IFT80: variants seen among roughly 807,000 people sequenced by gnomAD.
IFT80 encodes intraflagellar transport protein 80 homolog.
In IFT80, 79 loss-of-function variants were observed where a neutral mutation model predicts 107.9. That is an observed-to-expected ratio of 0.73 (90% confidence interval 0.61 to 0.88). The LOEUF (loss-of-function observed/expected upper bound fraction) is 0.88. IFT80 is among the 40% of genes least tolerant of loss of function. The pLI is 0.00. For missense variants in IFT80, 797 were observed against 914.2 expected (o/e 0.87, Z 1.65); for synonymous variants, 299 against 300.9 (o/e 0.99, Z 0.07).
In IFT80 at chr3:160,387,361, G is replaced by A. The variant is rs988002864; in HGVS notation, c.-46-2715C>T. 5.9e-5 allele frequency among the ~76,000 whole-genome samples: 9 copies of A among 152,040 alleles called. No homozygotes were observed. The South Asian group carries it at 6.2e-4, about 10-fold the overall frequency. On this transcript the variant is annotated intron_variant, in intron 1 of 19. Transcript: ENST00000326448. The stretch of plus-strand genomic sequence containing the variant: ...TCTATTAAAAATACAAAAATTAGCC[G>A]GGTGTGGTGGCGCATGCCTGTAATC...
chr3:160,303,136 G>A (rs1009590517), intron 11 of IFT80, among the ~76,000 whole-genome samples: 1 of 152,116 alleles, frequency 6.6e-6, no homozygotes, highest in South Asian at 2.1e-4. Context: ...TGAGGAATGA[G>A]GAATAAAGCA....
At chr3:160,260,878 C>T (rs1192459012) in intron 19 of IFT80, among the ~76,000 whole-genome samples, 1 of 152,196 alleles carries the variant, frequency 6.6e-6, no homozygotes, top group Admixed American at 6.5e-5. Flanking sequence ...AGCTGAAGAT[C>T]AGCTTCCTAC....
chr3:160,353,426 T>C (rs1369793991), intron 8 of IFT80, among the ~76,000 whole-genome samples: 2 of 152,214 alleles, frequency 1.3e-5, no homozygotes, highest in African/African-American at 4.8e-5. Context: ...GAATTAGATT[T>C]TAAAAGACTG....
Position 160,258,575 on chromosome 3 carries a change from C to T in IFT80, c.2284G>A (p.Glu762Lys). Residue 762 changes from glutamate (E) to lysine (K), a missense_variant, in exon 20 of 20, where the codon GAG becomes AAG. Glu to Lys is a moderately conservative substitution (Grantham distance 56). Coordinates refer to ENST00000326448, the MANE Select transcript of IFT80 (RefSeq NM_020800.3). ...KIEMEITKER[E>K]QSSSSQSSKS... ...CTGGATTGGCTGCTTGATGATTGCT[C>T]TCTTTCTTTTGTAATTTCCATCTCA... 2 of 1,613,548 alleles carry T rather than the reference C, an allele frequency of 1.2e-6. No individual in the cohort carries two copies. The highest frequency in any genetic ancestry group is 1.7e-6 in the Non-Finnish European group (2 of 1,179,958).
Position 160,386,569 on chromosome 3 carries a change from T to C in IFT80, c.-46-1923A>G, listed in dbSNP as rs190785543. 9.3e-3 allele frequency among the ~76,000 whole-genome samples: 1,409 copies of C among 152,294 alleles called. 13 individuals are homozygous for C. Among genetic ancestry groups the C allele is most frequent in the Middle Eastern group, 0.034 (10 of 294 alleles). On this transcript the variant is annotated intron_variant, in intron 1 of 19. Coordinates refer to ENST00000326448, the MANE Select transcript of IFT80 (RefSeq NM_020800.3). Reference sequence around the variant, plus strand: ...GTTTTTGGTCCAGTGTGGGTCAACATTTATGAGGCTTGAGAGGAAAAAATG... The same window carrying C: ...GTTTTTGGTCCAGTGTGGGTCAACACTTATGAGGCTTGAGAGGAAAAAATG...
At chr3:160,333,467 G>A (rs1270215130) in intron 8 of IFT80, among the ~76,000 whole-genome samples, 1 of 151,482 alleles carries the variant, frequency 6.6e-6, no homozygotes, top group African/African-American at 2.4e-5. Context: ...AAAACACGTT[G>A]TGACAGCTGT....
At chr3:160,361,992 C>G (rs1171644130) in intron 6 of IFT80, among the ~76,000 whole-genome samples, 1 of 152,120 alleles carries the variant, frequency 6.6e-6, no homozygotes, top group African/African-American at 2.4e-5. Context: ...AAAACACATT[C>G]AAAAGCTAAC....
chr3:160,319,984 A>AT, intron 8 of IFT80, 45 bp from the exon 9 acceptor site: 5 of 1,509,376 alleles, frequency 3.3e-6, no homozygotes, highest in Admixed American at 3.5e-5. Context: ...CTGAAAAAAA[A>AT]TTTTTAGGAA....
intron 18 of IFT80, among the ~76,000 whole-genome samples, chr3:160,274,167 TA>T (rs1444598137): frequency 6.6e-6 from 1 of 152,064 alleles, no homozygotes; most frequent in East Asian, 1.9e-4. Flanking sequence ...GGAGATTTTA[TA>T]AGATAGGGAA....
At position 160,337,061 on chromosome 3, in the gene IFT80, T is replaced by C. The variant is rs148005876; in HGVS notation, c.778-17122A>G. On this transcript the variant is annotated intron_variant, in intron 8 of 19. Coordinates refer to ENST00000326448, the MANE Select transcript of IFT80 (RefSeq NM_020800.3). ...AAGTCAGTCAGCAAATTTATTCTAC[T>C]TTTCATATACTCTTTTTCATCCTCT... Among the ~76,000 whole-genome samples the C allele has an allele frequency of 3.2e-3, 492 of 152,338 alleles. 1 individual carries two copies. The highest frequency in any genetic ancestry group is 0.011 in the African/African-American group (460 of 41,586).
chr3:160,299,586 T>A (rs985307397), intron 12 of IFT80, among the ~76,000 whole-genome samples: 2 of 152,170 alleles, frequency 1.3e-5, no homozygotes, highest in Non-Finnish European at 2.9e-5. Flanking sequence ...CTTTTATTCA[T>A]CCCTAATTAC....
chr3:160,280,144 A>T (rs773445725), intron 15 of IFT80, among the ~76,000 whole-genome samples: 4 of 152,162 alleles, frequency 2.6e-5, no homozygotes, highest in Non-Finnish European at 2.9e-5. Flanking sequence ...AGAATAAGAG[A>T]TCTCCTTGCT....
chr3:160,307,864 C>A (rs1007251027), intron 9 of IFT80, 83 bp from the exon 10 acceptor site: 133 of 768,008 alleles, frequency 1.7e-4, no homozygotes, highest in Admixed American at 1.1e-3. Flanking sequence ...TTTTGAAACA[C>A]AAAAAATTAA....
intron 8 of IFT80, among the ~76,000 whole-genome samples, chr3:160,348,403 G>C (rs1027581853): frequency 6.6e-6 from 1 of 152,156 alleles, no homozygotes; most frequent in African/African-American, 2.4e-5. Flanking sequence ...TAGCAGAACA[G>C]CTGCTATTAG....
At chr3:160,320,351 C>T (rs1334974340) in intron 8 of IFT80, among the ~76,000 whole-genome samples, 2 of 151,816 alleles carry the variant, frequency 1.3e-5, no homozygotes. Context: ...ACAATTGAAA[C>T]TCAACACACA....
intron 1 of IFT80, among the ~76,000 whole-genome samples, chr3:160,389,295 T>C (rs1354565810): frequency 1.3e-5 from 2 of 152,130 alleles, no homozygotes; most frequent in African/African-American, 2.4e-5. Context: ...TATAGAAAAA[T>C]GGTGATTGAA....
chr3:160,313,551 T>C (rs1576794617), intron 9 of IFT80, among the ~76,000 whole-genome samples: 1 of 151,864 alleles, frequency 6.6e-6, no homozygotes, highest in African/African-American at 2.4e-5. Flanking sequence ...ACTCTAGTAA[T>C]TGCTGTTATA....
intron 8 of IFT80, among the ~76,000 whole-genome samples, chr3:160,321,693 G>T (rs1429982558): frequency 2.0e-5 from 3 of 151,924 alleles, no homozygotes; most frequent in African/African-American, 7.2e-5. Flanking sequence ...AAAGTTATGT[G>T]AATGTGGTCT....
intron 12 of IFT80, among the ~76,000 whole-genome samples, chr3:160,294,680 C>CA (rs533687029): frequency 8.5e-4 from 130 of 152,316 alleles, no homozygotes; most frequent in African/African-American, 3.1e-3. Context: ...ATATTCAACT[C>CA]AAAGTTCCAG....
Sources: gnomAD v4.1 joint callset for allele counts (sites outside exome capture counted in the v4.1 genomes callset) on GRCh38, gnomAD v4.1.1 for gene constraint, MANE v1.5 for transcripts, NCBI Gene and HGNC (gene_info 2026-07-23, HGNC 2026-07-21) for gene names.